The following RHBDD1 variants were observed in gnomAD, a reference collection of about 807,000 sequenced individuals.
RHBDD1 encodes rhomboid-related protein 4.
A neutral mutation model predicts 36.3 loss-of-function variants in RHBDD1; 38 were observed. That is an observed-to-expected ratio of 1.05 (90% CI 0.81 to 1.37). The LOEUF (loss-of-function observed/expected upper bound fraction) is 1.37. Among genes scored for constraint, RHBDD1 ranks in the 40% most tolerant of loss-of-function variants. The probability of loss-of-function intolerance (pLI) is 0.00; values close to 1 mark genes in which losing one functional copy is unlikely to be tolerated. For missense variants in RHBDD1, 393 were observed against 377.6 expected (o/e 1.04, Z -0.34); for synonymous variants, 151 against 136.5 (o/e 1.11, Z -0.74).
At chr2:226,894,611 T>A (rs1293636347) in intron 5 of RHBDD1, among the ~76,000 whole-genome samples, 2 of 152,226 alleles carry the variant, frequency 1.3e-5, no homozygotes, top group East Asian at 3.8e-4. Flanking sequence ...TTTATTCTTA[T>A]TTTTTAGCTA....
chr2:226,957,386 A>G (rs1157031262), intron 8 of RHBDD1, among the ~76,000 whole-genome samples: 1 of 152,200 alleles, frequency 6.6e-6, no homozygotes, highest in African/African-American at 2.4e-5. Context: ...GAACTTCATC[A>G]AAATTAAAAA....
At chr2:226,821,493 TGTTTAA>T in the RHBDD1 span, among the ~76,000 whole-genome samples, 1 of 152,006 alleles carries the variant, frequency 6.6e-6, no homozygotes, top group African/African-American at 2.4e-5. Context: ...GCTGGAAATG[TGTTTAA>T]GTTTTGCTCT....
chr2:226,938,414 G>A (rs1950477551), intron 8 of RHBDD1, among the ~76,000 whole-genome samples: 1 of 151,896 alleles, frequency 6.6e-6, no homozygotes, highest in Non-Finnish European at 1.5e-5. Flanking sequence ...TTCTTTTGCT[G>A]TGCAGAATCA....
intron 8 of RHBDD1, among the ~76,000 whole-genome samples, chr2:226,916,022 C>G (rs1428168503): frequency 1.3e-5 from 2 of 152,140 alleles, no homozygotes; most frequent in African/African-American, 4.8e-5. Flanking sequence ...GGTGGTGTTA[C>G]GCCATGCCTC....
At chr2:226,958,940 A>G (rs1218099831) in intron 8 of RHBDD1, among the ~76,000 whole-genome samples, 1 of 152,124 alleles carries the variant, frequency 6.6e-6, no homozygotes, top group Admixed American at 6.6e-5. Context: ...TTAAGATTTT[A>G]TAAAACCATA....
intron 3 of RHBDD1, among the ~76,000 whole-genome samples, chr2:226,858,429 G>C (rs1943534718): frequency 6.6e-6 from 1 of 152,140 alleles, no homozygotes; most frequent in Non-Finnish European, 1.5e-5. Context: ...CTCCCATTAA[G>C]ACTCTGTAGT....
chr2:226,844,743 G>A (rs1239361565), intron 3 of RHBDD1, among the ~76,000 whole-genome samples: 1 of 152,126 alleles, frequency 6.6e-6, no homozygotes, highest in African/African-American at 2.4e-5. Flanking sequence ...GTCAGTTGGA[G>A]AACTTTAATG....
intron 5 of RHBDD1, among the ~76,000 whole-genome samples, chr2:226,893,006 G>A (rs914240709): frequency 1.1e-4 from 16 of 152,172 alleles, no homozygotes; most frequent in Non-Finnish European, 2.9e-5. Context: ...GAAGGGCAGT[G>A]CATTCATTCA....
chr2:226,930,559 A>T (rs1949966413), intron 8 of RHBDD1, among the ~76,000 whole-genome samples: 1 of 152,010 alleles, frequency 6.6e-6, no homozygotes, highest in Non-Finnish European at 1.5e-5. Flanking sequence ...CCTAGGAAAA[A>T]CTTCCCTGGA....
intron 8 of RHBDD1, among the ~76,000 whole-genome samples, chr2:226,977,366 C>T (rs1450236916): frequency 1.3e-5 from 2 of 152,072 alleles, no homozygotes; most frequent in African/African-American, 4.8e-5. Context: ...ACTGAGTGTC[C>T]GAAATAGCCG....
At chr2:226,844,981 TA>T (rs35439997) in intron 3 of RHBDD1, among the ~76,000 whole-genome samples, 1 of 152,292 alleles carries the variant, frequency 6.6e-6, no homozygotes, top group East Asian at 1.9e-4. Context: ...ATAACACTTT[TA>T]AAAGGTGGAG....
At chr2:226,888,916 G>A (rs970975826) in intron 5 of RHBDD1, among the ~76,000 whole-genome samples, 2 of 152,202 alleles carry the variant, frequency 1.3e-5, no homozygotes, top group African/African-American at 2.4e-5. Context: ...GTGATTTAAG[G>A]TGTATTTGCA....
At chr2:226,826,375 T>G in the RHBDD1 span, among the ~76,000 whole-genome samples, 1 of 152,220 alleles carries the variant, frequency 6.6e-6, no homozygotes, top group South Asian at 2.1e-4. Flanking sequence ...TGAAAATTGA[T>G]ATGCAATTAT....
Position 226,980,361 on chromosome 2 carries a change from T to A in RHBDD1, c.857-15070T>A, listed in dbSNP as rs530290100. 7.2e-5 allele frequency among the ~76,000 whole-genome samples: 11 copies of A among 152,304 alleles called. No homozygotes were observed. In the South Asian group the frequency reaches 1.0e-3, roughly 14 times the overall value. ...AGGGCAGCTTTGTAAGACACCGGTA[T>A]CCACTCCAGATTTGGTAAGCAAGGT... On this transcript the variant is annotated intron_variant, in intron 8 of 8. Coordinates refer to ENST00000392062, the MANE Select transcript of RHBDD1 (RefSeq NM_001167608.3).
chr2:226,946,527 C>G (rs1951003624), intron 8 of RHBDD1, among the ~76,000 whole-genome samples: 1 of 152,072 alleles, frequency 6.6e-6, no homozygotes, highest in East Asian at 1.9e-4. Flanking sequence ...GACATGAAAA[C>G]CCTTCAAAAA....
upstream of RHBDD1, among the ~76,000 whole-genome samples, chr2:226,831,384 A>G (rs1473479037): frequency 1.3e-5 from 2 of 152,216 alleles, no homozygotes; most frequent in Non-Finnish European, 1.5e-5. Context: ...CGTTATTTCA[A>G]AAGAGGGTCA....
intron 5 of RHBDD1, among the ~76,000 whole-genome samples, chr2:226,877,118 T>A (rs931964169): frequency 2.0e-5 from 3 of 152,246 alleles, no homozygotes; most frequent in Non-Finnish European, 2.9e-5. Flanking sequence ...TTTGCACTAC[T>A]AATTTGGCAT....
At chr2:226,830,924 C>T (rs561612600), upstream of RHBDD1, among the ~76,000 whole-genome samples, 16 of 152,328 alleles carry the variant, frequency 1.1e-4, no homozygotes, top group Middle Eastern at 3.4e-3. Flanking sequence ...TTACCTTGGC[C>T]TCCCAAAGTG....
At chr2:226,858,496 A>G (rs1943539342) in intron 3 of RHBDD1, among the ~76,000 whole-genome samples, 1 of 152,196 alleles carries the variant, frequency 6.6e-6, no homozygotes, top group Non-Finnish European at 1.5e-5. Flanking sequence ...TTGGGAATAG[A>G]ATTTATAACT....
Sources: allele counts gnomAD v4.1 joint callset (sites outside exome capture counted in the v4.1 genomes callset), GRCh38; gene constraint gnomAD v4.1.1; transcripts MANE v1.5; gene names NCBI Gene and HGNC (gene_info 2026-07-23, HGNC 2026-07-21).